Variants in DOCK2 observed in about 807,000 individuals in gnomAD.
DOCK2 encodes the protein dedicator of cytokinesis protein 2.
DOCK2 carries 87 observed loss-of-function variants against 248.9 expected under a neutral mutation model. The observed-to-expected ratio is 0.35, with a 90% confidence interval of 0.29 to 0.42. The LOEUF (loss-of-function observed/expected upper bound fraction) is 0.42, where lower values mean the gene tolerates loss of function less well. Ranked by LOEUF, DOCK2 falls within the 10% of genes least tolerant of loss-of-function variation. The probability of loss-of-function intolerance (pLI) is 1.00; values close to 1 mark genes in which losing one functional copy is unlikely to be tolerated. For missense variants in DOCK2, 1,747 were observed against 2,300.2 expected (o/e 0.76, Z 4.92); for synonymous variants, 805 against 821.6 (o/e 0.98, Z 0.35).
intron 36 of DOCK2, among the ~76,000 whole-genome samples, chr5:170,039,315 G>A (rs144802646): frequency 3.9e-5 from 6 of 152,228 alleles, no homozygotes; most frequent in Non-Finnish European, 5.9e-5. Flanking sequence ...TGGATAAAGC[G>A]TGCTCTCCTA....
chr5:169,681,643 ATGACCC>A, intron 6 of DOCK2, 95 bp from the exon 7 acceptor site: 1 of 1,390,630 alleles, frequency 7.2e-7, no homozygotes, highest in South Asian at 1.6e-5. Flanking sequence ...ATGTGACTAT[ATGACCC>A]CCAGAAATCA....
chr5:169,651,696 G>A (rs1757813866), intron 1 of DOCK2, among the ~76,000 whole-genome samples: 1 of 152,180 alleles, frequency 6.6e-6, no homozygotes, highest in Admixed American at 6.5e-5. Flanking sequence ...CAGCAAACTG[G>A]AGTATGTCCA....
At chr5:170,069,090 A>T in intron 45 of DOCK2, 47 bp from the exon 46 acceptor site, 1 of 1,566,526 alleles carries the variant, frequency 6.4e-7, no homozygotes. Flanking sequence ...TTGGCTGTGA[A>T]ATGCCACATG....
intron 23 of DOCK2, among the ~76,000 whole-genome samples, chr5:169,754,542 C>T (rs749243977): frequency 2.0e-5 from 3 of 152,200 alleles, no homozygotes; most frequent in Non-Finnish European, 4.4e-5. Context: ...AGAAGAACTG[C>T]ACTTTATTTT....
intron 27 of DOCK2, among the ~76,000 whole-genome samples, chr5:169,981,286 TAC>T (rs1186033358): frequency 6.6e-6 from 1 of 152,210 alleles, no homozygotes; most frequent in Non-Finnish European, 1.5e-5. Context: ...CCTGTTTCTC[TAC>T]CACTAGAACG....
At chr5:169,836,703 T>A (rs1769601475) in intron 26 of DOCK2, among the ~76,000 whole-genome samples, 2 of 152,220 alleles carry the variant, frequency 1.3e-5, no homozygotes, top group African/African-American at 4.8e-5. Flanking sequence ...TACTGTTTGC[T>A]GCCTGCTCTG....
intron 29 of DOCK2, among the ~76,000 whole-genome samples, chr5:169,990,086 ATG>A (rs1468714208): frequency 1.2e-4 from 7 of 58,852 alleles, no homozygotes; most frequent in African/African-American, 1.0e-3. Flanking sequence ...AACCCTCTTA[ATG>A]TTTTTTTTTT....
intron 26 of DOCK2, among the ~76,000 whole-genome samples, chr5:169,822,236 A>G (rs1020997882): frequency 1.3e-5 from 2 of 152,240 alleles, no homozygotes; most frequent in East Asian, 3.8e-4. Flanking sequence ...AAGGATATCC[A>G]GGAATTGAAC....
chr5:169,879,193 G>A (rs373604451), intron 27 of DOCK2, among the ~76,000 whole-genome samples: 1 of 152,132 alleles, frequency 6.6e-6, no homozygotes, highest in African/African-American at 2.4e-5. Flanking sequence ...TCCATCATGC[G>A]CTGGATCATG....
intron 2 of DOCK2, among the ~76,000 whole-genome samples, chr5:169,655,319 C>T (rs932377200): frequency 2.0e-5 from 3 of 152,260 alleles, no homozygotes; most frequent in South Asian, 4.1e-4. Context: ...TCCTGTGTCT[C>T]GGCAGAGTGG....
Position 170,050,293 on chromosome 5 carries a change from G to A in DOCK2, c.4109G>A (p.Arg1370Gln), listed in dbSNP as rs780312697. ...VFIYRGKEYE[R>Q]REDFQMQLMT... ...ATCTACCGCGGGAAGGAATATGAGCGAAGAGAAGATTTCCAGATGCAGCTG... is the reference window on the plus strand; with the variant it reads ...ATCTACCGCGGGAAGGAATATGAGCAAAGAGAAGATTTCCAGATGCAGCTG... Residue 1370 changes from arginine to glutamine, a missense_variant, in exon 41 of 52, where the codon CGA becomes CAA. Arg to Gln is a conservative substitution (Grantham distance 43). Around this residue, in one of 4 missense-constraint regions of DOCK2, gnomAD observed 858 missense variants for 1,183.5 expected, o/e 0.72. Coordinates refer to ENST00000520908, the MANE Select transcript of DOCK2 (RefSeq NM_004946.3). The A allele has an allele frequency of 5.6e-6, 9 of 1,614,146 alleles. No individual in the cohort carries two copies. Among genetic ancestry groups the A allele is most frequent in the South Asian group, 2.2e-5 (2 of 91,078 alleles).
chr5:169,886,290 G>A (rs543358116), intron 27 of DOCK2, among the ~76,000 whole-genome samples: 3 of 152,162 alleles, frequency 2.0e-5, no homozygotes, highest in Non-Finnish European at 4.4e-5. Context: ...GAGTGGCATT[G>A]TCACATACCT....
chr5:169,788,051 C>T (rs1316236110), intron 25 of DOCK2, among the ~76,000 whole-genome samples: 1 of 152,150 alleles, frequency 6.6e-6, no homozygotes, highest in East Asian at 1.9e-4. Context: ...ATTCCTTTGA[C>T]ATCTCGTTTT....
chr5:170,008,452 G>A (rs766877469), intron 30 of DOCK2, 45 bp from the exon 31 acceptor site: 37 of 1,605,108 alleles, frequency 2.3e-5, no homozygotes, highest in Admixed American at 3.3e-5. Flanking sequence ...ATGCCTTCCC[G>A]CTTCAGACCC....
intron 27 of DOCK2, among the ~76,000 whole-genome samples, chr5:169,899,867 A>T (rs1250685357): frequency 2.6e-5 from 4 of 152,046 alleles, no homozygotes. Flanking sequence ...AATTAAGCAG[A>T]CTCTTACAGC....
intron 47 of DOCK2, 67 bp from the exon 48 acceptor site, chr5:170,077,643 G>GT: frequency 6.3e-7 from 1 of 1,594,336 alleles, no homozygotes; most frequent in Non-Finnish European, 8.6e-7. Flanking sequence ...GAGGAAGAAG[G>GT]TGACAGGAAG....
intron 27 of DOCK2, among the ~76,000 whole-genome samples, chr5:169,950,669 C>A (rs1776625827): frequency 6.6e-6 from 1 of 152,216 alleles, no homozygotes; most frequent in Non-Finnish European, 1.5e-5. Context: ...GTATTTTGTC[C>A]AATGTTGTGT....
In DOCK2 at chr5:169,670,470, G is replaced by C. The variant is rs2306564; in HGVS notation, c.169-72G>C. On this transcript the variant is annotated intron_variant, in intron 3 of 51. Transcript: ENST00000520908. Reference sequence around the variant, plus strand: ...GCTTTTGGAAAAAAATTATAAAGACGTAGGGTCATTCATTTCTGTGGTGAT... The same window carrying C: ...GCTTTTGGAAAAAAATTATAAAGACCTAGGGTCATTCATTTCTGTGGTGAT... 0.61 allele frequency: 948,472 copies of C among 1,549,236 alleles called. 293,339 individuals carry two copies. Among genetic ancestry groups the C allele is most frequent in the South Asian group, 0.72 (60,277 of 83,332 alleles).
Position 170,034,442 on chromosome 5 carries a change from G to A in DOCK2, c.3511G>A (p.Val1171Met), listed in dbSNP as rs1756250011. 6.2e-7 allele frequency: 1 copy of A among 1,614,220 alleles called. No individual in the cohort carries two copies. The highest frequency in any genetic ancestry group is 1.1e-5 in the South Asian group (1 of 91,080). ...AGAGCACCCAACCATTGCCAAGTCGGTGGAGAACTTCGTGAACCTGGTCAA... is the reference window on the plus strand; with the variant it reads ...AGAGCACCCAACCATTGCCAAGTCGATGGAGAACTTCGTGAACCTGGTCAA... The part of the protein sequence containing the change: ...AAEHPTIAKS[V>M]ENFVNLVKGL... Residue 1171 changes from valine to methionine, a missense_variant, in exon 35 of 52, where the codon GTG becomes ATG. By Grantham distance (21) the Val-to-Met change is conservative. This residue lies in a region of DOCK2 where 858 missense variants were observed against 1,183.5 expected (regional missense o/e 0.72). Transcript: ENST00000520908.
Sources: allele counts gnomAD v4.1 joint callset (sites outside exome capture counted in the v4.1 genomes callset), GRCh38; gene constraint gnomAD v4.1.1; regional missense constraint gnomAD v4.1.1; transcripts MANE v1.5; gene names NCBI Gene and HGNC (gene_info 2026-07-23, HGNC 2026-07-21).